The following VPS13B variants were observed in gnomAD, a reference collection of about 807,000 sequenced individuals.
VPS13B encodes vacuolar protein sorting 13 homolog B.
In VPS13B, 285 loss-of-function variants were observed where a neutral mutation model predicts 426.4. That is an observed-to-expected ratio of 0.67 (90% CI 0.61 to 0.74). The LOEUF (loss-of-function observed/expected upper bound fraction) is 0.74. VPS13B is among the 30% of genes least tolerant of loss of function. VPS13B has a pLI of 0.00. For synonymous variants in VPS13B, 1,676 were observed against 1,676.4 expected (o/e 1.00, Z 0.01); for missense variants, 4,537 against 4,782.6 (o/e 0.95, Z 1.51).
intron 51 of VPS13B, among the ~76,000 whole-genome samples, chr8:99,829,426 C>T (rs1431353624): frequency 6.6e-6 from 1 of 152,180 alleles, no homozygotes; most frequent in African/African-American, 2.4e-5. Flanking sequence ...AGTTCTCGTA[C>T]TGTGTTTTTC....
intron 35 of VPS13B, chr8:99,697,647 A>G: frequency 1.5e-6 from 1 of 651,046 alleles, no homozygotes; most frequent in Non-Finnish European, 2.9e-6. Flanking sequence ...CAAGAGACTG[A>G]CAGAGGGTGC....
intron 30 of VPS13B, among the ~76,000 whole-genome samples, chr8:99,522,902 T>G (rs1822445753): frequency 6.6e-6 from 1 of 152,198 alleles, no homozygotes; most frequent in Non-Finnish European, 1.5e-5. Context: ...AAACCACTTT[T>G]GAGTGAATGA....
chr8:99,677,597 C>T (rs1038607103), intron 35 of VPS13B, among the ~76,000 whole-genome samples: 8 of 152,104 alleles, frequency 5.3e-5, no homozygotes, highest in Admixed American at 2.0e-4. Context: ...GAAAATGGTG[C>T]CCTCAAGGGT....
chr8:99,849,964 CATGT>C (rs1487518338), intron 55 of VPS13B, among the ~76,000 whole-genome samples: 3 of 148,486 alleles, frequency 2.0e-5, no homozygotes, highest in African/African-American at 5.0e-5. Context: ...CATAAGTACG[CATGT>C]ATGTACTTAT....
intron 34 of VPS13B, among the ~76,000 whole-genome samples, chr8:99,648,267 T>G (rs542439786): frequency 2.6e-5 from 4 of 152,298 alleles, no homozygotes; most frequent in South Asian, 2.1e-4. Flanking sequence ...AGATTAATTT[T>G]GAAGGTTTAG....
chr8:99,747,746 T>A (rs1445442574), intron 39 of VPS13B, among the ~76,000 whole-genome samples: 2 of 152,136 alleles, frequency 1.3e-5, no homozygotes, highest in African/African-American at 4.8e-5. Flanking sequence ...TTTAATTGCA[T>A]ACTAAACTTG....
Position 99,384,277 on chromosome 8 carries a change from T to G in VPS13B, c.2894T>G (p.Ile965Ser), listed in dbSNP as rs750265067. 4.3e-6 allele frequency: 7 copies of G among 1,614,006 alleles called. No homozygotes were observed. The South Asian group carries it at 7.7e-5, about 18-fold the overall frequency. ...NIDPILYTWL[I>S]YQPQKRTSRH... ...GACCCAATCTTATATACGTGGCTCA[T>G]CTATCAGCCTCAGAAACGAACAAGT... is the stretch of plus-strand genomic sequence containing the variant. Residue 965 changes from isoleucine (I) to serine (S), a missense_variant, in exon 20 of 62, where the codon ATC (isoleucine) becomes AGC (serine). By Grantham distance (142) the Ile-to-Ser change is moderately radical (BLOSUM62 -2). Coordinates refer to ENST00000357162, the MANE Select transcript of VPS13B (RefSeq NM_152564.5).
intron 19 of VPS13B, among the ~76,000 whole-genome samples, chr8:99,298,260 G>C (rs138909421): frequency 6.6e-6 from 1 of 152,150 alleles, no homozygotes; most frequent in African/African-American, 2.4e-5. Flanking sequence ...AGGCCGAGGT[G>C]GGTGGATCAT....
intron 24 of VPS13B, among the ~76,000 whole-genome samples, chr8:99,472,703 T>G (rs1819477944): frequency 6.6e-6 from 1 of 151,606 alleles, no homozygotes; most frequent in Admixed American, 6.6e-5. Flanking sequence ...AATGGAACAG[T>G]TAACAAAAAA....
intron 59 of VPS13B, among the ~76,000 whole-genome samples, chr8:99,869,357 G>T (rs1817272696): frequency 6.6e-6 from 1 of 152,180 alleles, no homozygotes; most frequent in Non-Finnish European, 1.5e-5. Flanking sequence ...CAGCAGGCCT[G>T]ACAAGAGGCA....
chr8:99,095,655 G>T lies in VPS13B; in HGVS notation c.292-657G>T, dbSNP rs192357114. Among the ~76,000 whole-genome samples, 150 of 152,258 alleles carry T rather than the reference G, an allele frequency of 9.9e-4. 1 individual carries two copies. The highest frequency in any genetic ancestry group is 3.5e-3 in the African/African-American group (145 of 41,560). ...CCTTGTAAATCCAGCAATTTGGCAT[G>T]TAAGAGTATTATATACATGTTGAAT... On this transcript the variant is annotated intron_variant, in intron 3 of 61. Coordinates refer to ENST00000357162, the MANE Select transcript of VPS13B (RefSeq NM_152564.5).
chr8:99,325,780 T>C (rs1264375885), intron 19 of VPS13B, among the ~76,000 whole-genome samples: 1 of 152,148 alleles, frequency 6.6e-6, no homozygotes, highest in Non-Finnish European at 1.5e-5. Context: ...ATTTCCTGTT[T>C]AGGTCTTTAT....
intron 19 of VPS13B, among the ~76,000 whole-genome samples, chr8:99,292,473 C>T (rs1819786980): frequency 6.6e-6 from 1 of 152,036 alleles, no homozygotes. Flanking sequence ...AGGTTTTTGG[C>T]CCTCAGGGAG....
In VPS13B at chr8:99,096,417, C is replaced by A. The variant is rs1049274107; in HGVS notation, c.397C>A (p.Pro133Thr). 7 of 1,614,030 alleles carry A rather than the reference C, an allele frequency of 4.3e-6. No homozygotes were observed. The highest frequency in any genetic ancestry group is 5.9e-6 in the Non-Finnish European group (7 of 1,179,964). ...AATGCAGCAGGCTGCTCCTACAGAT[C>A]CTGACTTACCACCAGGTAACTTCTA... ...RRMQQAAPTDPDLPPGYVQSL... is the reference protein window; with the variant it reads ...RRMQQAAPTDTDLPPGYVQSL... Residue 133 changes from proline (P) to threonine (T), a missense_variant, in exon 4 of 62, where the codon CCT (proline) becomes ACT (threonine). Coordinates refer to ENST00000357162, the MANE Select transcript of VPS13B (RefSeq NM_152564.5).
chr8:99,393,124 T>G (rs1488608458), intron 21 of VPS13B, among the ~76,000 whole-genome samples: 1 of 152,064 alleles, frequency 6.6e-6, no homozygotes, highest in Non-Finnish European at 1.5e-5. Flanking sequence ...ACCATATATT[T>G]AAAATAATGG....
At chr8:99,528,649 C>T (rs955417123) in intron 30 of VPS13B, among the ~76,000 whole-genome samples, 24 of 152,054 alleles carry the variant, frequency 1.6e-4, no homozygotes, top group Admixed American at 9.8e-4. Flanking sequence ...TTCATGGTCT[C>T]ATTTTTATCA....
At chr8:99,816,108 C>CA (rs910244135) in intron 44 of VPS13B, among the ~76,000 whole-genome samples, 1 of 141,948 alleles carries the variant, frequency 7.0e-6, no homozygotes, top group Non-Finnish European at 1.5e-5. Context: ...CTCTCTCTCT[C>CA]TTTTTTTTTT....
chr8:99,779,012 C>A lies in VPS13B; in HGVS notation c.7760C>A (p.Ala2587Glu). ...GQHVVHSLNTAIQAWQQNKCP... is the reference protein window; with the variant it reads ...GQHVVHSLNTEIQAWQQNKCP... ...CATGTAGTCCATTCACTAAACACTG[C>A]AATACAAGCTTGGCAACAGGTATGC... Residue 2587 changes from alanine (A) to glutamate (E), a missense_variant, in exon 42 of 62, where the codon GCA (alanine) becomes GAA (glutamate). Physicochemically the swap from Ala to Glu is moderately radical, Grantham distance 107. Coordinates refer to ENST00000357162, the MANE Select transcript of VPS13B (RefSeq NM_152564.5). The A allele has an allele frequency of 6.2e-7, 1 of 1,613,514 alleles. No individual in the cohort carries two copies. Among genetic ancestry groups the A allele is most frequent in the Non-Finnish European group, 8.5e-7 (1 of 1,179,768 alleles).
chr8:99,712,939 T>C (rs966451708), intron 36 of VPS13B, among the ~76,000 whole-genome samples: 1 of 152,154 alleles, frequency 6.6e-6, no homozygotes, highest in Non-Finnish European at 1.5e-5. Flanking sequence ...CCATCAACTC[T>C]ACTTAAGTTC....
Sources: gnomAD v4.1 joint callset for allele counts (sites outside exome capture counted in the v4.1 genomes callset) on GRCh38, gnomAD v4.1.1 for gene constraint, MANE v1.5 for transcripts, NCBI Gene and HGNC (gene_info 2026-07-23, HGNC 2026-07-21) for gene names.